GRM7: variants seen among roughly 807,000 people sequenced by gnomAD.
GRM7 encodes glutamate metabotropic receptor 7.
A neutral mutation model predicts 84.5 loss-of-function variants in GRM7; 35 were observed. The ratio of observed to expected loss-of-function variants is 0.41; its 90% CI spans 0.32 to 0.55. The LOEUF is 0.55. Among genes scored for constraint, GRM7 ranks in the 20% least tolerant of loss-of-function variants. The pLI is 0.19. For missense variants in GRM7, 1,003 were observed against 1,194.6 expected (o/e 0.84, Z 2.36); for synonymous variants, 487 against 455.1 (o/e 1.07, Z -0.89).
intron 7 of GRM7, among the ~76,000 whole-genome samples, chr3:7,499,496 A>T (rs1022149133): frequency 6.6e-6 from 1 of 152,202 alleles, no homozygotes; most frequent in Non-Finnish European, 1.5e-5. Flanking sequence ...GCTGACATCA[A>T]TAAAAGCTAA....
At chr3:7,314,072 A>G (rs915032338) in intron 4 of GRM7, among the ~76,000 whole-genome samples, 5 of 152,220 alleles carry the variant, frequency 3.3e-5, no homozygotes, top group African/African-American at 1.2e-4. Flanking sequence ...AGGAAATTAG[A>G]CATCAATTAT....
At chr3:7,336,198 A>G (rs1216357510) in intron 4 of GRM7, among the ~76,000 whole-genome samples, 1 of 152,092 alleles carries the variant, frequency 6.6e-6, no homozygotes, top group Non-Finnish European at 1.5e-5. Context: ...ATATGCCACG[A>G]TCAAGTGGAT....
chr3:7,177,371 G>GA lies in GRM7; in HGVS notation c.736+30705dup. ...TACTACCTAACATGAGCTCTTTGAG[G>GA]AATCAGTAATTATGTTGAAGTCATC... On this transcript the variant is annotated intron_variant, in intron 2 of 9. Transcript: ENST00000357716. Among the ~76,000 whole-genome samples, 4 of 152,256 alleles carry GA rather than the reference G, an allele frequency of 2.6e-5. No individual in the cohort carries two copies. The South Asian group carries it at 8.3e-4, about 32-fold the overall frequency.
At chr3:7,487,517 T>G (rs1352502134) in intron 7 of GRM7, among the ~76,000 whole-genome samples, 1 of 152,160 alleles carries the variant, frequency 6.6e-6, no homozygotes, top group Non-Finnish European at 1.5e-5. Context: ...GGACCACCTC[T>G]AGTTGCTGCT....
intron 9 of GRM7, among the ~76,000 whole-genome samples, chr3:7,713,367 C>T (rs144303582): frequency 0.023 from 3,547 of 151,974 alleles, 139 homozygotes; most frequent in African/African-American, 0.081. Flanking sequence ...GAACTCCTGA[C>T]CTCAAGTGAT....
intron 6 of GRM7, among the ~76,000 whole-genome samples, chr3:7,454,819 A>T (rs1326068176): frequency 6.6e-6 from 1 of 152,166 alleles, no homozygotes; most frequent in Non-Finnish European, 1.5e-5. Context: ...TAAATTTTAC[A>T]TGTATATTAT....
At chr3:7,729,680 G>A (rs911871439) in intron 9 of GRM7, among the ~76,000 whole-genome samples, 13 of 152,168 alleles carry the variant, frequency 8.5e-5, no homozygotes, top group Non-Finnish European at 1.5e-4. Context: ...TATAAGTGCC[G>A]TGAATAAAGA....
intron 1 of GRM7, among the ~76,000 whole-genome samples, chr3:7,080,123 C>A (rs1698229876): frequency 6.6e-6 from 1 of 152,006 alleles, no homozygotes; most frequent in Non-Finnish European, 1.5e-5. Context: ...CTCTCCTTCC[C>A]ACTCACTCCA....
At chr3:7,232,568 A>G (rs1697228044) in intron 2 of GRM7, among the ~76,000 whole-genome samples, 1 of 152,166 alleles carries the variant, frequency 6.6e-6, no homozygotes, top group African/African-American at 2.4e-5. Context: ...ATAAGGATGC[A>G]AGTCAATCAA....
At chr3:7,186,637 AATCT>A (rs896447358) in intron 2 of GRM7, among the ~76,000 whole-genome samples, 25 of 152,148 alleles carry the variant, frequency 1.6e-4, no homozygotes, top group African/African-American at 5.8e-4. Context: ...CTGTCTATCT[AATCT>A]ATCTATCTTG....
At chr3:6,933,399 A>T (rs954216787) in intron 1 of GRM7, among the ~76,000 whole-genome samples, 1 of 152,190 alleles carries the variant, frequency 6.6e-6, no homozygotes, top group African/African-American at 2.4e-5. Flanking sequence ...GTATAAACCT[A>T]CACATCATGT....
chr3:6,979,249 G>A (rs1323879323), intron 1 of GRM7, among the ~76,000 whole-genome samples: 1 of 152,112 alleles, frequency 6.6e-6, no homozygotes, highest in Non-Finnish European at 1.5e-5. Context: ...CAGCAGGGTA[G>A]GTCAGCCATG....
At chr3:7,021,165 C>A (rs1391948) in intron 1 of GRM7, among the ~76,000 whole-genome samples, 56,372 of 151,874 alleles carry the variant, frequency 0.37, 12,145 homozygotes, top group East Asian at 0.5. Flanking sequence ...ATTGATCAAC[C>A]CTTTATTTCC....
intron 1 of GRM7, among the ~76,000 whole-genome samples, chr3:6,938,214 G>C (rs1046019309): frequency 1.3e-5 from 2 of 152,176 alleles, no homozygotes; most frequent in Non-Finnish European, 2.9e-5. Context: ...AACTGAAATT[G>C]CTTGGATTTC....
chr3:7,469,029 C>T (rs1698581139), intron 7 of GRM7, among the ~76,000 whole-genome samples: 2 of 152,178 alleles, frequency 1.3e-5, no homozygotes, highest in Admixed American at 1.3e-4. Context: ...GGTTATTTTT[C>T]TGCACCCCCA....
At chr3:6,956,495 A>T (rs1693054823) in intron 1 of GRM7, 4 of 449,632 alleles carry the variant, frequency 8.9e-6, no homozygotes, top group Admixed American at 7.3e-5. Context: ...CTTTTCTCTT[A>T]TTATTGTATG....
chr3:7,210,181 A>T (rs1415214551), intron 2 of GRM7, among the ~76,000 whole-genome samples: 2 of 152,204 alleles, frequency 1.3e-5, no homozygotes, highest in African/African-American at 4.8e-5. Context: ...ATGCTGAGTT[A>T]AGAAATCTTA....
chr3:7,116,742 C>A (rs1693046643), intron 1 of GRM7, among the ~76,000 whole-genome samples: 1 of 152,026 alleles, frequency 6.6e-6, no homozygotes, highest in African/African-American at 2.4e-5. Flanking sequence ...TATTTTATTT[C>A]TTCCTTTAAA....
chr3:7,657,468 C>T lies in GRM7; in HGVS notation c.2452-22581C>T, dbSNP rs536060439. Reference sequence around the variant, plus strand: ...CCCAAAAAATGTACTGAAGCAGCTACAACATGTTATTGGAAGAGGAGAAAG... The same window carrying T: ...CCCAAAAAATGTACTGAAGCAGCTATAACATGTTATTGGAAGAGGAGAAAG... On this transcript the variant is annotated intron_variant, in intron 8 of 9. Coordinates refer to ENST00000357716, the MANE Select transcript of GRM7 (RefSeq NM_000844.4). Among the ~76,000 whole-genome samples the T allele has an allele frequency of 2.8e-3, 433 of 152,236 alleles. 7 individuals carry two copies. The highest frequency in any genetic ancestry group is 0.017 in the Middle Eastern group (5 of 294).
Sources: allele counts gnomAD v4.1 joint callset (sites outside exome capture counted in the v4.1 genomes callset), GRCh38; gene constraint gnomAD v4.1.1; transcripts MANE v1.5; gene names NCBI Gene and HGNC (gene_info 2026-07-23, HGNC 2026-07-21).